Variants in SLC35F2 observed in about 807,000 individuals in gnomAD.
SLC35F2 encodes the protein queuine/queuosine transporter SLC35F2.
In SLC35F2, 25 loss-of-function variants were observed where a neutral mutation model predicts 38.1. The observed-to-expected ratio is 0.66, with a 90% CI of 0.48 to 0.92. SLC35F2 has a LOEUF of 0.92. SLC35F2 is among the 40% of genes least tolerant of loss of function. SLC35F2 has a pLI of 0.00. For missense variants in SLC35F2, 409 were observed against 452.9 expected, an observed-to-expected ratio of 0.90 and a Z score of 0.88; for synonymous variants, 173 against 181.7, an observed-to-expected ratio of 0.95 and a Z score of 0.38.
intron 1 of SLC35F2, among the ~76,000 whole-genome samples, chr11:107,839,908 C>G (rs1185457619): frequency 2.0e-5 from 3 of 152,198 alleles, no homozygotes; most frequent in African/African-American, 7.2e-5. Flanking sequence ...CTGCCTTGGC[C>G]TCCTAAAGTG....
At chr11:107,848,922 C>A (rs917723768) in intron 1 of SLC35F2, among the ~76,000 whole-genome samples, 1 of 152,154 alleles carries the variant, frequency 6.6e-6, no homozygotes, top group African/African-American at 2.4e-5. Flanking sequence ...TCAGCCTGAG[C>A]ATAATGCAGT....
intron 1 of SLC35F2, among the ~76,000 whole-genome samples, chr11:107,856,928 A>G (rs1418039540): frequency 4.9e-5 from 4 of 82,118 alleles, no homozygotes; most frequent in African/African-American, 2.0e-4. Context: ...AGGGAGGGAA[A>G]AGAGGGAAGG....
chr11:107,829,432 A>AAC (rs1565436411), intron 1 of SLC35F2, among the ~76,000 whole-genome samples: 1 of 146,782 alleles, frequency 6.8e-6, no homozygotes, highest in African/African-American at 2.6e-5. Context: ...AAAAAAAAAA[A>AAC]CTTGTTTGAC....
rs557513261 is a variant in SLC35F2, at chr11:107,796,843, A to AT, written c.940-4044dup. Among the ~76,000 whole-genome samples, 102 of 148,856 alleles carry AT rather than the reference A, an allele frequency of 6.9e-4. 2 individuals carry two copies. The highest frequency in any genetic ancestry group is 2.4e-3 in the Admixed American group (36 of 14,892). On this transcript the variant is annotated intron_variant, in intron 7 of 7. Transcript: ENST00000525815. ...ACCAACATACCCGTATAATTTTTGT[A>AT]TTTTTTTTTTGTAGAGACAGGGTTG...
At chr11:107,836,195 T>G (rs1477512505) in intron 1 of SLC35F2, among the ~76,000 whole-genome samples, 1 of 150,864 alleles carries the variant, frequency 6.6e-6, no homozygotes, top group Non-Finnish European at 1.5e-5. Flanking sequence ...AAGGTTTCCT[T>G]GACATTTTAT....
intron 1 of SLC35F2, among the ~76,000 whole-genome samples, chr11:107,849,904 C>G (rs757002668): frequency 4.6e-5 from 7 of 152,118 alleles, no homozygotes; most frequent in Non-Finnish European, 7.4e-5. Flanking sequence ...CCAGTCTTAC[C>G]TCTCCCTACA....
In SLC35F2 at chr11:107,816,334, T is replaced by C. The variant is rs182376502; in HGVS notation, c.111-369A>G. 354 of 968,376 alleles carry C rather than the reference T, an allele frequency of 3.7e-4. 1 individual carries two copies. The highest frequency in any genetic ancestry group is 1.2e-3 in the Admixed American group (19 of 16,168). The allele number at this position is 968,376 out of a possible 1,614,324, so 60.0% of individuals were successfully genotyped here. On this transcript the variant is annotated intron_variant, in intron 1 of 7. Transcript: ENST00000525815. ...TCTTGTTCTATTGCTCAGGCTAGAGTGCAGTGGTGCAATCACAGCTCACTG... is the reference window on the plus strand; with the variant it reads ...TCTTGTTCTATTGCTCAGGCTAGAGCGCAGTGGTGCAATCACAGCTCACTG...
intron 1 of SLC35F2, among the ~76,000 whole-genome samples, chr11:107,856,881 A>C (rs1860293654): frequency 1.0e-5 from 1 of 99,096 alleles, no homozygotes; most frequent in South Asian, 4.4e-4. Context: ...GCAGGAAGGA[A>C]GGAAGGGAGG....
At chr11:107,804,644 A>G (rs1266134199) in intron 6 of SLC35F2, 74 bp downstream of exon 6, 1 of 1,095,212 alleles carries the variant, frequency 9.1e-7, no homozygotes, top group Non-Finnish European at 1.4e-6. Flanking sequence ...TATTATTAAA[A>G]TAAAGCACAT....
At chr11:107,798,627 A>G (rs535490138) in intron 7 of SLC35F2, among the ~76,000 whole-genome samples, 9 of 152,354 alleles carry the variant, frequency 5.9e-5, no homozygotes, top group African/African-American at 9.6e-5. Context: ...CTCAAGATCA[A>G]TTTCAGGAGA....
chr11:107,816,510 C>T (rs994792656), intron 1 of SLC35F2, among the ~76,000 whole-genome samples: 3 of 135,430 alleles, frequency 2.2e-5, no homozygotes, highest in Non-Finnish European at 4.6e-5. Context: ...TGGTCTCAAA[C>T]TCCTAGGCTC....
intron 2 of SLC35F2, among the ~76,000 whole-genome samples, 169 bp downstream of exon 2, chr11:107,815,621 A>G (rs1859559869): frequency 6.6e-6 from 1 of 151,816 alleles, no homozygotes; most frequent in Admixed American, 6.6e-5. Context: ...TTTTTTGGAC[A>G]ACTTCTGTGT....
intron 3 of SLC35F2, chr11:107,810,618 A>G: frequency 1.0e-6 from 1 of 985,334 alleles, no homozygotes; most frequent in Non-Finnish European, 1.2e-6. Flanking sequence ...TGTGCCTCCT[A>G]TAGTGTCTGT....
At chr11:107,818,261 T>C (rs1162084193) in intron 1 of SLC35F2, among the ~76,000 whole-genome samples, 1 of 151,316 alleles carries the variant, frequency 6.6e-6, no homozygotes, top group Non-Finnish European at 1.5e-5. Context: ...CAAAACCCCA[T>C]CTCTACTAAA....
intron 7 of SLC35F2, among the ~76,000 whole-genome samples, chr11:107,794,877 T>A (rs1859193568): frequency 6.6e-6 from 1 of 152,182 alleles, no homozygotes; most frequent in South Asian, 2.1e-4. Context: ...AAAATCAACA[T>A]ATAAAAATCA....
intron 3 of SLC35F2, chr11:107,809,739 AAGAC>A (rs1457150436): frequency 1.3e-4 from 127 of 979,404 alleles, no homozygotes; most frequent in Middle Eastern, 5.3e-4. Context: ...GCAGAGTACT[AAGAC>A]AGACCCTGCG....
At chr11:107,807,421 GCTGTA>G (rs769022708) in intron 3 of SLC35F2, among the ~76,000 whole-genome samples, 3 of 151,928 alleles carry the variant, frequency 2.0e-5, no homozygotes, top group East Asian at 3.9e-4. Flanking sequence ...TGCACTCTAG[GCTGTA>G]CAACCCAGAG....
chr11:107,839,262 A>T (rs1591205493), intron 1 of SLC35F2, among the ~76,000 whole-genome samples: 1 of 152,124 alleles, frequency 6.6e-6, no homozygotes, highest in South Asian at 2.1e-4. Context: ...GGAGTTCAAG[A>T]CCAGCCTGGC....
At chr11:107,854,159 C>T (rs1860238963) in intron 1 of SLC35F2, among the ~76,000 whole-genome samples, 1 of 152,014 alleles carries the variant, frequency 6.6e-6, no homozygotes, top group Admixed American at 6.6e-5. Flanking sequence ...ATACCAGGTG[C>T]AGTGGGCCAC....
Sources: allele counts gnomAD v4.1 joint callset (sites outside exome capture counted in the v4.1 genomes callset), GRCh38; gene constraint gnomAD v4.1.1; transcripts MANE v1.5; gene names NCBI Gene and HGNC (gene_info 2026-07-23, HGNC 2026-07-21).